Variants in SPOCK1 observed in about 807,000 individuals in gnomAD.
The protein encoded by SPOCK1 is SPARC (osteonectin), cwcv and kazal like domains proteoglycan 1.
SPOCK1 carries 23 observed loss-of-function variants against 55.3 expected under a neutral mutation model. The observed-to-expected ratio is 0.42, with a 90% CI of 0.30 to 0.59. The LOEUF (loss-of-function observed/expected upper bound fraction) is 0.59. Among genes scored for constraint, SPOCK1 ranks in the 20% least tolerant of loss-of-function variants. SPOCK1 has a pLI of 0.22. For synonymous variants in SPOCK1, 226 were observed against 221.0 expected, an observed-to-expected ratio of 1.02 and a Z score of -0.20; for missense variants, 499 against 552.5, an observed-to-expected ratio of 0.90 and a Z score of 0.97.
intron 6 of SPOCK1, among the ~76,000 whole-genome samples, chr5:137,038,147 G>T (rs1475351503): frequency 6.6e-6 from 1 of 152,178 alleles, no homozygotes; most frequent in Non-Finnish European, 1.5e-5. Context: ...CCTCTCCTCT[G>T]CTGACATAGA....
chr5:137,160,578 A>AATATAT (rs1754519471), intron 3 of SPOCK1, among the ~76,000 whole-genome samples: 518 of 46,022 alleles, frequency 0.011, 9 homozygotes, highest in African/African-American at 0.04. Flanking sequence ...ATATTATATA[A>AATATAT]TATATATAAT....
chr5:137,179,088 T>G (rs1435771688), intron 3 of SPOCK1, among the ~76,000 whole-genome samples: 1 of 152,236 alleles, frequency 6.6e-6, no homozygotes. Flanking sequence ...AACTCTGATG[T>G]TATTTTTCCT....
chr5:137,052,361 A>G (rs926521391), intron 6 of SPOCK1, among the ~76,000 whole-genome samples: 1 of 152,240 alleles, frequency 6.6e-6, no homozygotes, highest in Non-Finnish European at 1.5e-5. Context: ...CTTAACCCAC[A>G]AAGTGGAAAA....
chr5:137,444,275 C>T (rs1201047481), intron 2 of SPOCK1, among the ~76,000 whole-genome samples: 1 of 152,222 alleles, frequency 6.6e-6, no homozygotes, highest in Non-Finnish European at 1.5e-5. Context: ...CCCTACATCA[C>T]CTTCCCTGTG....
intron 3 of SPOCK1, among the ~76,000 whole-genome samples, chr5:137,171,305 A>T (rs1258720870): frequency 6.6e-6 from 1 of 152,126 alleles, no homozygotes; most frequent in African/African-American, 2.4e-5. Flanking sequence ...CCACTCTTGC[A>T]TATCTTTCTC....
At chr5:137,382,609 A>T (rs116516316) in intron 2 of SPOCK1, among the ~76,000 whole-genome samples, 1,542 of 152,282 alleles carry the variant, frequency 0.01, 19 homozygotes, top group African/African-American at 0.035. Flanking sequence ...CCTTCTTCAC[A>T]TGGTAGCAGG....
At chr5:137,463,544 A>C (rs1384669611) in intron 2 of SPOCK1, among the ~76,000 whole-genome samples, 1 of 62,096 alleles carries the variant, frequency 1.6e-5, no homozygotes, top group African/African-American at 6.2e-5. Flanking sequence ...TGTTGGGAGG[A>C]GGGAGGTGGG....
chr5:137,168,596 A>G (rs1257156616), intron 3 of SPOCK1, among the ~76,000 whole-genome samples: 1 of 152,184 alleles, frequency 6.6e-6, no homozygotes, highest in East Asian at 1.9e-4. Context: ...AAGCAGGTAT[A>G]TAAAAAGGTG....
intron 6 of SPOCK1, among the ~76,000 whole-genome samples, chr5:137,061,800 G>A (rs1344917889): frequency 6.6e-6 from 1 of 152,202 alleles, no homozygotes; most frequent in Non-Finnish European, 1.5e-5. Flanking sequence ...TTGCTGGTTT[G>A]GGAGTGTGGT....
chr5:137,083,349 A>G (rs1451002431), intron 5 of SPOCK1, among the ~76,000 whole-genome samples: 1 of 152,144 alleles, frequency 6.6e-6, no homozygotes, highest in African/African-American at 2.4e-5. Context: ...GGCTCTAAAC[A>G]AATGAACCTG....
intron 4 of SPOCK1, among the ~76,000 whole-genome samples, chr5:137,118,518 G>A (rs768996596): frequency 6.6e-6 from 1 of 152,192 alleles, no homozygotes; most frequent in Admixed American, 6.5e-5. Flanking sequence ...CACCAAGGGA[G>A]TCCTTGAAGA....
intron 2 of SPOCK1, among the ~76,000 whole-genome samples, chr5:137,312,831 G>A (rs739696): frequency 0.035 from 5,381 of 152,276 alleles, 322 homozygotes; most frequent in African/African-American, 0.12. Flanking sequence ...CCAGTAAATT[G>A]TCCACTTGCA....
chr5:137,497,259 G>A (rs1479552283), intron 2 of SPOCK1, among the ~76,000 whole-genome samples: 1 of 152,150 alleles, frequency 6.6e-6, no homozygotes, highest in Non-Finnish European at 1.5e-5. Flanking sequence ...TGTGGTATAG[G>A]TCAAATTATC....
intron 2 of SPOCK1, among the ~76,000 whole-genome samples, chr5:137,357,900 A>C (rs1336706447): frequency 6.6e-6 from 1 of 152,120 alleles, no homozygotes; most frequent in Non-Finnish European, 1.5e-5. Context: ...CATTACCCTA[A>C]GGTACCATTC....
At chr5:137,120,421 G>A (rs1031891814) in intron 4 of SPOCK1, among the ~76,000 whole-genome samples, 5 of 152,174 alleles carry the variant, frequency 3.3e-5, no homozygotes, top group East Asian at 1.9e-4. Context: ...TGGTGTACCC[G>A]AATGTTGAAC....
intron 2 of SPOCK1, among the ~76,000 whole-genome samples, chr5:137,411,127 G>A (rs1752201516): frequency 1.3e-5 from 2 of 152,172 alleles, no homozygotes; most frequent in Admixed American, 1.3e-4. Flanking sequence ...TGGGGAAAAG[G>A]ACAGGTGCAG....
intron 6 of SPOCK1, among the ~76,000 whole-genome samples, chr5:137,056,055 A>G (rs1330426543): frequency 6.6e-6 from 1 of 152,180 alleles, no homozygotes; most frequent in Non-Finnish European, 1.5e-5. Context: ...AAGACCCTAT[A>G]CATTTCCTCA....
chr5:137,099,682 A>C (rs1427162224), intron 5 of SPOCK1, among the ~76,000 whole-genome samples: 2 of 151,902 alleles, frequency 1.3e-5, no homozygotes, highest in African/African-American at 4.8e-5. Context: ...GTATATATAT[A>C]TCTCCCACCC....
At position 137,007,812 on chromosome 5, in the gene SPOCK1, T is replaced by G. The variant is rs559030367; in HGVS notation, c.590-15212A>C. On this transcript the variant is annotated intron_variant, in intron 6 of 10. Coordinates refer to ENST00000394945, the MANE Select transcript of SPOCK1 (RefSeq NM_004598.4). ...GAGTATATACCCAAAGGATTATAAA[T>G]CATTCTACTATAAAGACACAGGCAC... Among the ~76,000 whole-genome samples the G allele has an allele frequency of 2.1e-4, 32 of 152,256 alleles. No homozygotes were observed. The East Asian group carries it at 5.8e-3, about 28-fold the overall frequency.
Sources: gnomAD v4.1 joint callset for allele counts (sites outside exome capture counted in the v4.1 genomes callset) on GRCh38, gnomAD v4.1.1 for gene constraint, MANE v1.5 for transcripts, NCBI Gene and HGNC (gene_info 2026-07-23, HGNC 2026-07-21) for gene names.